Variants in CLOCK observed in about 807,000 individuals in gnomAD.
The protein encoded by CLOCK is circadian locomoter output cycles protein kaput.
A neutral mutation model predicts 118.4 loss-of-function variants in CLOCK; 43 were observed. The observed-to-expected ratio is 0.36, with a 90% CI of 0.28 to 0.47. The LOEUF (loss-of-function observed/expected upper bound fraction) is 0.47, where lower values mean the gene tolerates loss of function less well. Ranked by LOEUF, CLOCK falls within the 20% of genes least tolerant of loss-of-function variation. The pLI is 1.00. For synonymous variants in CLOCK, 326 were observed against 339.2 expected, an observed-to-expected ratio of 0.96 and a Z score of 0.43; for missense variants, 846 against 999.9, an observed-to-expected ratio of 0.85 and a Z score of 2.08.
chr4:55,459,253 G>A lies in CLOCK; in HGVS notation c.568C>T (p.Gln190Ter). 1 of 1,598,528 alleles carries A rather than the reference G, an allele frequency of 6.3e-7. No homozygotes were observed. The highest frequency in any genetic ancestry group is 8.6e-7 in the Non-Finnish European group (1 of 1,166,190). ...AGCATGTGACAACAGAATTCTAACT[G>A]ATTTTTTGCTGAAATAAAAGAGATT... ...LTPEYLKSKN[Q>*]LEFCCHMLRG... Residue 190 changes from glutamine (Q) to a stop codon, truncating the protein, a stop_gained, in exon 10 of 23, where the codon CAG becomes TAG. Transcript: ENST00000513440. LOFTEE classifies it high-confidence loss of function.
At chr4:55,465,941 G>A (rs1725708635) in intron 8 of CLOCK, among the ~76,000 whole-genome samples, 1 of 138,410 alleles carries the variant, frequency 7.2e-6, no homozygotes, top group African/African-American at 2.8e-5. Flanking sequence ...GACAGAATAA[G>A]ACTCTGTCTC....
At chr4:55,486,388 C>T (rs1434133954) in intron 3 of CLOCK, 5 of 152,202 alleles carry the variant, frequency 3.3e-5, no homozygotes, top group African/African-American at 1.2e-4. Context: ...AAACTATCTA[C>T]TAACCTGAGG....
At chr4:55,521,659 A>G (rs1729853513) in intron 1 of CLOCK, among the ~76,000 whole-genome samples, 1 of 152,244 alleles carries the variant, frequency 6.6e-6, no homozygotes, top group African/African-American at 2.4e-5. Flanking sequence ...TATGCAAAGG[A>G]AAGAAATGGG....
chr4:55,539,420 A>T (rs1233328606), intron 1 of CLOCK, among the ~76,000 whole-genome samples: 1 of 151,984 alleles, frequency 6.6e-6, no homozygotes, highest in African/African-American at 2.4e-5. Flanking sequence ...CAAAAAATTT[A>T]AAAATTAGCT....
chr4:55,448,163 G>A (rs1724037419), intron 18 of CLOCK, among the ~76,000 whole-genome samples: 1 of 152,152 alleles, frequency 6.6e-6, no homozygotes, highest in Admixed American at 6.5e-5. Flanking sequence ...GCATGGTATT[G>A]TAGGCATCTG....
chr4:55,488,752 G>GT (rs1560452631), intron 3 of CLOCK, among the ~76,000 whole-genome samples: 1 of 151,726 alleles, frequency 6.6e-6, no homozygotes, highest in Non-Finnish European at 1.5e-5. Flanking sequence ...TTTTGTACAC[G>GT]TAAGACAAGG....
intron 8 of CLOCK, among the ~76,000 whole-genome samples, chr4:55,468,815 C>T (rs904503997): frequency 6.6e-6 from 1 of 152,196 alleles, no homozygotes; most frequent in African/African-American, 2.4e-5. Flanking sequence ...AGACCTTGCA[C>T]TGCATAACAA....
chr4:55,486,286 C>T (rs1188304996), intron 3 of CLOCK: 1 of 152,156 alleles, frequency 6.6e-6, no homozygotes, highest in Non-Finnish European at 1.5e-5. Flanking sequence ...TCTGTATCTA[C>T]TATTTCTTCA....
chr4:55,524,986 T>C (rs188335863), intron 1 of CLOCK, among the ~76,000 whole-genome samples: 13 of 152,274 alleles, frequency 8.5e-5, no homozygotes, highest in African/African-American at 2.9e-4. Flanking sequence ...ATCACTCTCC[T>C]AGGTGATTCC....
In CLOCK at chr4:55,438,488, C is replaced by G; in HGVS notation, c.2155G>C (p.Ala719Pro). Reference sequence around the variant, plus strand: ...CTAGGTACCATGACTGCCCCACAAGCTACAGGAGCAGTCACTAATTTGGTC... The same window carrying G: ...CTAGGTACCATGACTGCCCCACAAGGTACAGGAGCAGTCACTAATTTGGTC... ...LVTKLVTAPVACGAVMVPSTM... is the reference protein window; with the variant it reads ...LVTKLVTAPVPCGAVMVPSTM... Residue 719 changes from alanine (A) to proline (P), a missense_variant, in exon 22 of 23, where the codon GCT (alanine) becomes CCT (proline). Transcript: ENST00000513440. 1.9e-6 allele frequency: 3 copies of G among 1,613,736 alleles called. No homozygotes were observed. Among genetic ancestry groups the G allele is most frequent in the Non-Finnish European group, 2.5e-6 (3 of 1,179,998 alleles).
chr4:55,445,577 A>C (rs1577686318), intron 18 of CLOCK, among the ~76,000 whole-genome samples: 1 of 72,922 alleles, frequency 1.4e-5, no homozygotes. Flanking sequence ...TGCTATTTCT[A>C]TATTCTTTTT....
In CLOCK at chr4:55,444,816, A is replaced by G. The variant is rs760814487; in HGVS notation, c.1540-31T>C. ...GTACCATGTACGGAAAAAGTGTAAT[A>G]TATTTTAGAATTACTTACTCCTTAT... On this transcript the variant is annotated intron_variant, in intron 18 of 22. Transcript: ENST00000513440. 9.4e-6 allele frequency: 15 copies of G among 1,603,896 alleles called. 1 individual carries two copies. The highest frequency in any genetic ancestry group is 8.0e-5 in the African/African-American group (6 of 74,676).
At chr4:55,453,935 G>T in intron 13 of CLOCK, 111 bp from the exon 14 acceptor site, 1 of 818,178 alleles carries the variant, frequency 1.2e-6, no homozygotes, top group South Asian at 1.9e-5. Flanking sequence ...TTATTTTTCT[G>T]GCCTTTTGAT....
chr4:55,482,509 T>C (rs987594753), intron 4 of CLOCK, among the ~76,000 whole-genome samples: 3 of 152,142 alleles, frequency 2.0e-5, no homozygotes, highest in Admixed American at 2.0e-4. Flanking sequence ...AAATTACAAG[T>C]CAGGACTCAT....
rs564491552 is a variant in CLOCK at position 55,494,529 on chromosome 4, C to A, written c.-135-5064G>T. 4.6e-5 allele frequency among the ~76,000 whole-genome samples: 7 copies of A among 151,820 alleles called. No individual in the cohort carries two copies. In the South Asian group the frequency reaches 1.5e-3, roughly 32 times the overall value. On this transcript the variant is annotated intron_variant, in intron 2 of 22. Coordinates refer to ENST00000513440, the MANE Select transcript of CLOCK (RefSeq NM_004898.4). ...GGTCAAAAAGATGGCAAGTTAAAGG[C>A]ATAAGAATGATACAATGGACCATGG...
intron 1 of CLOCK, among the ~76,000 whole-genome samples, chr4:55,531,655 A>C (rs1347690336): frequency 7.7e-6 from 1 of 129,566 alleles, no homozygotes; most frequent in Non-Finnish European, 1.6e-5. Context: ...TAGTGAGTCG[A>C]GATCACGCCA....
intron 1 of CLOCK, among the ~76,000 whole-genome samples, chr4:55,518,250 T>A (rs1338427347): frequency 6.6e-6 from 1 of 152,088 alleles, no homozygotes; most frequent in Non-Finnish European, 1.5e-5. Flanking sequence ...ACGTGAAATA[T>A]GACATTACCA....
chr4:55,485,740 A>G (rs1167592850), intron 3 of CLOCK, among the ~76,000 whole-genome samples: 2 of 152,244 alleles, frequency 1.3e-5, no homozygotes, highest in African/African-American at 4.8e-5. Context: ...AAAAACTAAA[A>G]TAGTATAATT....
intron 12 of CLOCK, 48 bp from the exon 13 acceptor site, chr4:55,456,051 G>C: frequency 1.6e-6 from 2 of 1,259,768 alleles, no homozygotes; most frequent in Non-Finnish European, 2.3e-6. Context: ...TCCATAATAA[G>C]AAATATTTCA....
Sources: gnomAD v4.1 joint callset for allele counts (sites outside exome capture counted in the v4.1 genomes callset) on GRCh38, gnomAD v4.1.1 for gene constraint, MANE v1.5 for transcripts, NCBI Gene and HGNC (gene_info 2026-07-23, HGNC 2026-07-21) for gene names.